PPL: variants seen among roughly 807,000 people sequenced by gnomAD.
The protein encoded by PPL is 190 kDa paraneoplastic pemphigus antigen.
In PPL, 198 loss-of-function variants were observed where a neutral mutation model predicts 194.4. The ratio of observed to expected loss-of-function variants is 1.02; its 90% CI spans 0.91 to 1.15. The LOEUF (loss-of-function observed/expected upper bound fraction) is 1.15. Among genes scored for constraint, PPL ranks in the 50% most tolerant of loss-of-function variants. The pLI, the probability that PPL is intolerant of heterozygous loss-of-function variation, is 0.00. For missense variants in PPL, 2,885 were observed against 2,294.8 expected (o/e 1.26, Z -5.25); for synonymous variants, 1,220 against 972.4 (o/e 1.25, Z -4.74).
intron 1 of PPL, among the ~76,000 whole-genome samples, chr16:4,929,646 G>A (rs1256773159): frequency 2.6e-5 from 4 of 152,136 alleles, no homozygotes; most frequent in Non-Finnish European, 5.9e-5. Flanking sequence ...CCCTTCTTAG[G>A]AGTAGCAGAA....
intron 1 of PPL, among the ~76,000 whole-genome samples, chr16:4,924,304 C>A (rs117818985): frequency 0.011 from 1,672 of 152,258 alleles, 8 homozygotes; most frequent in Middle Eastern, 0.031. Flanking sequence ...TTCTCTTTTT[C>A]ACACTAAGTC....
rs1044781356 is a variant in PPL at position 4,893,813 on chromosome 16, C to T, written c.1395-175G>A. The T allele has an allele frequency of 1.2e-5, 7 of 591,036 alleles. No homozygotes were observed. In the African/African-American group the frequency reaches 1.3e-4, roughly 11 times the overall value. 36.6% of individuals were successfully genotyped at this position (591,036 alleles called of 1,614,324 possible). ...CCTTTCTGTGCTCCTGGGCTCAGAG[C>T]TCTTCTCCCTCCTTCCCTCCTCTTT... On this transcript the variant is annotated intron_variant, in intron 12 of 21. Transcript: ENST00000345988.
chr16:4,916,746 C>G (rs1483978854), intron 1 of PPL, among the ~76,000 whole-genome samples: 1 of 151,850 alleles, frequency 6.6e-6, no homozygotes, highest in Non-Finnish European at 1.5e-5. Flanking sequence ...CTCAAGCAAT[C>G]TATCTGCCTC....
At position 4,893,524 on chromosome 16, in the gene PPL, GT is replaced by G; in HGVS notation, c.1492+16del. 6.2e-7 allele frequency: 1 copy of G among 1,611,276 alleles called. No individual in the cohort carries two copies. Among genetic ancestry groups the G allele is most frequent in the Non-Finnish European group, 8.5e-7 (1 of 1,179,120 alleles). ...CCGGTACCCCCAGAGCCTCAGGCGA[GT>G]GGCCCTGGCACCCACCTCCGGGATT... On this transcript the variant is annotated intron_variant, in intron 13 of 21. Coordinates refer to ENST00000345988, the MANE Select transcript of PPL (RefSeq NM_002705.5).
intron 14 of PPL, 177 bp downstream of exon 14, chr16:4,893,036 T>C: frequency 3.9e-6 from 3 of 768,140 alleles, no homozygotes; most frequent in Non-Finnish European, 5.8e-6. Context: ...GGGGAGGTAA[T>C]GACAGCAGCC....
intron 2 of PPL, among the ~76,000 whole-genome samples, chr16:4,907,654 A>G (rs889242525): frequency 6.6e-6 from 1 of 152,162 alleles, no homozygotes; most frequent in Admixed American, 6.6e-5. Flanking sequence ...AACATTGTGA[A>G]TGTATGAAAT....
Position 4,888,144 on chromosome 16 carries a change from C to A in PPL, c.2472G>T (p.Lys824Asn), listed in dbSNP as rs990533110. 6.2e-7 allele frequency: 1 copy of A among 1,614,036 alleles called. No homozygotes were observed. Among genetic ancestry groups the A allele is most frequent in the East Asian group, 2.2e-5 (1 of 44,884 alleles). Residue 824 changes from lysine to asparagine, a missense_variant, in exon 20 of 22, where the codon AAG (lysine) becomes AAT (asparagine). Coordinates refer to ENST00000345988, the MANE Select transcript of PPL (RefSeq NM_002705.5). Reference sequence around the variant, plus strand: ...TGGCAGGAGATTGGAGCCTGGCTCTCTTGCTCACGTGGCTTCTCCTTCCAT... The same window carrying A: ...TGGCAGGAGATTGGAGCCTGGCTCTATTGCTCACGTGGCTTCTCCTTCCAT... ...LENGRRSHVS[K>N]RARLQSPATK...
Position 4,894,461 on chromosome 16 carries a change from T to C in PPL, c.1394+6A>G. ...TCCATGCAGACTCCCGCCTTTGCCC[T>C]TGTACCTGTCAGCCAGAGCCAGGGC... is the stretch of plus-strand genomic sequence containing the variant. On this transcript the variant is annotated splice_donor_region_variant and intron_variant, in intron 12 of 21. Transcript: ENST00000345988. 3 of 1,613,712 alleles carry C rather than the reference T, an allele frequency of 1.9e-6. No individual in the cohort carries two copies. The highest frequency in any genetic ancestry group is 2.2e-5 in the South Asian group (2 of 91,088).
At chr16:4,915,653 C>T (rs1002264408) in intron 1 of PPL, among the ~76,000 whole-genome samples, 1 of 152,194 alleles carries the variant, frequency 6.6e-6, no homozygotes, top group African/African-American at 2.4e-5. Flanking sequence ...AGAAGTTACT[C>T]ATGGGGATGC....
chr16:4,890,033 G>C (rs987104475), intron 18 of PPL, 151 bp downstream of exon 18: 2 of 1,099,400 alleles, frequency 1.8e-6, no homozygotes, highest in Non-Finnish European at 2.6e-6. Flanking sequence ...TGGGTGTTGG[G>C]AGCTTGAGCT....
Position 4,916,205 on chromosome 16 carries a change from T to A in PPL, c.63-5256A>T, listed in dbSNP as rs533836231. ...CAAGTCCACCCCTACGTATTTTTTTTATTTTTATTACTTATTTATTTTTTT... is the reference window on the plus strand; with the variant it reads ...CAAGTCCACCCCTACGTATTTTTTTAATTTTTATTACTTATTTATTTTTTT... On this transcript the variant is annotated intron_variant, in intron 1 of 21. Coordinates refer to ENST00000345988, the MANE Select transcript of PPL (RefSeq NM_002705.5). 3.9e-5 allele frequency among the ~76,000 whole-genome samples: 6 copies of A among 152,228 alleles called. No homozygotes were observed. The South Asian group carries it at 6.2e-4, about 16-fold the overall frequency.
intron 1 of PPL, among the ~76,000 whole-genome samples, chr16:4,933,041 A>G (rs1240003378): frequency 6.8e-6 from 1 of 148,018 alleles, no homozygotes; most frequent in Non-Finnish European, 1.5e-5. Context: ...TCACTCTTTT[A>G]CCCAGGCTGG....
Position 4,885,741 on chromosome 16 carries a change from C to T in PPL, c.2914G>A (p.Glu972Lys). 1 of 1,612,966 alleles carries T rather than the reference C, an allele frequency of 6.2e-7. No individual in the cohort carries two copies. Among genetic ancestry groups the T allele is most frequent in the Non-Finnish European group, 8.5e-7 (1 of 1,179,936 alleles). Reference protein sequence around the residue: ...HKNQLLQEELEALQLQLRALE... With the variant: ...HKNQLLQEELKALQLQLRALE... Reference sequence around the variant, plus strand: ...GCACGCAGCTGCAGCTGCAGTGCCTCCAGCTCCTCCTGCAGCAGCTGGTTC... The same window carrying T: ...GCACGCAGCTGCAGCTGCAGTGCCTTCAGCTCCTCCTGCAGCAGCTGGTTC... The change falls in exon 22 of 22, where the codon GAG becomes AAG. Residue 972 changes from glutamate (E) to lysine (K), a missense_variant. Transcript: ENST00000345988. The surrounding 1 kb of genome is among the most constrained non-coding windows in gnomAD (Gnocchi z 6.3).
chr16:4,906,069 C>T (rs2088675603), intron 2 of PPL, among the ~76,000 whole-genome samples: 1 of 152,178 alleles, frequency 6.6e-6, no homozygotes, highest in Non-Finnish European at 1.5e-5. Flanking sequence ...GATTGCACCA[C>T]TGCACTCCAG....
chr16:4,901,098 G>A lies in PPL; in HGVS notation c.439-9C>T, dbSNP rs1479487794. 18 of 1,613,826 alleles carry A rather than the reference G, an allele frequency of 1.1e-5. No individual in the cohort carries two copies. Among genetic ancestry groups the A allele is most frequent in the East Asian group, 8.9e-5 (4 of 44,900 alleles). On this transcript the variant is annotated splice_polypyrimidine_tract_variant and intron_variant, in intron 4 of 21. Transcript: ENST00000345988. Reference sequence around the variant, plus strand: ...TGGTTGTTCAGCTTGTCCTGGCCAGGAGGGCAGAGAAGCAATAAGGAGAGG... The same window carrying A: ...TGGTTGTTCAGCTTGTCCTGGCCAGAAGGGCAGAGAAGCAATAAGGAGAGG...
Position 4,884,431 on chromosome 16 carries a change from G to T in PPL, c.4224C>A (p.Arg1408=), listed in dbSNP as rs146000120. 1 of 1,602,870 alleles carries T rather than the reference G, an allele frequency of 6.2e-7. No individual in the cohort carries two copies. Among genetic ancestry groups the T allele is most frequent in the East Asian group, 2.2e-5 (1 of 44,782 alleles). The change falls in exon 22 of 22, where the codon CGC becomes CGA. Residue 1408 remains arginine, a synonymous_variant. Transcript: ENST00000345988. The surrounding 1 kb of genome is among the most constrained non-coding windows in gnomAD (Gnocchi z 5.7). ...CGGCCTCCCTGCGGGCCTGCCGCTC[G>T]CGCTCTAGCTCCTCCAGCTGCCGCT... ...ELERQLEELE[R]ERQARREAER... is the part of the protein sequence containing the mutation.
Position 4,894,450 on chromosome 16 carries a change from C to T in PPL, c.1394+17G>A, listed in dbSNP as rs2088379850. 1 of 1,613,088 alleles carries T rather than the reference C, an allele frequency of 6.2e-7. No homozygotes were observed. The highest frequency in any genetic ancestry group is 1.3e-5 in the African/African-American group (1 of 74,906). On this transcript the variant is annotated intron_variant, in intron 12 of 21. Coordinates refer to ENST00000345988, the MANE Select transcript of PPL (RefSeq NM_002705.5). ...GGTGGGACTGGTCCATGCAGACTCC[C>T]GCCTTTGCCCTTGTACCTGTCAGCC...
At chr16:4,890,531 G>T (rs2088299185) in intron 17 of PPL, among the ~76,000 whole-genome samples, 197 bp from the exon 18 acceptor site, 1 of 152,174 alleles carries the variant, frequency 6.6e-6, no homozygotes, top group African/African-American at 2.4e-5. Context: ...ACATTGACTT[G>T]CAGAGATGCC....
Position 4,890,841 on chromosome 16 carries a change from C to G in PPL, c.2049G>C (p.Ser683=), listed in dbSNP as rs756277869. Residue 683 remains serine (S), a synonymous_variant, in exon 17 of 22, where the codon TCG becomes TCC. Transcript: ENST00000345988. ...EQNLQAAKQC[S]STLASRFQEH... is the part of the protein sequence containing the mutation. ...CCTGGAAGCGGCTGGCCAGTGTGCTCGAGCACTGCTTGGCCGCCTGCAAGT... is the reference window on the plus strand; with the variant it reads ...CCTGGAAGCGGCTGGCCAGTGTGCTGGAGCACTGCTTGGCCGCCTGCAAGT... The G allele has an allele frequency of 1.3e-6, 2 of 1,572,930 alleles. No individual in the cohort carries two copies. The highest frequency in any genetic ancestry group is 1.2e-5 in the South Asian group (1 of 86,432).
Sources: gnomAD v4.1 joint callset for allele counts (sites outside exome capture counted in the v4.1 genomes callset) on GRCh38, gnomAD v4.1.1 for gene constraint, Gnocchi (gnomAD v3.1) non-coding constraint, MANE v1.5 for transcripts, NCBI Gene and HGNC (gene_info 2026-07-23, HGNC 2026-07-21) for gene names.